The following CDH13 variants were observed in gnomAD, a reference collection of about 807,000 sequenced individuals.
CDH13 encodes the protein cadherin-13.
In CDH13, 24 loss-of-function variants were observed where a neutral mutation model predicts 63.8. The observed-to-expected ratio is 0.38, with a 90% CI of 0.27 to 0.53. CDH13 has a LOEUF of 0.53. Among genes scored for constraint, CDH13 ranks in the 20% least tolerant of loss-of-function variants. The pLI is 0.85. For missense variants in CDH13, 1,049 were observed against 903.1 expected (o/e 1.16, Z -2.07); for synonymous variants, 503 against 355.3 (o/e 1.42, Z -4.67).
At chr16:83,672,275 T>C (rs1341281335) in intron 9 of CDH13, among the ~76,000 whole-genome samples, 1 of 152,184 alleles carries the variant, frequency 6.6e-6, no homozygotes, top group Non-Finnish European at 1.5e-5. Context: ...CTCACAGTTC[T>C]GGAGCTTAAA....
chr16:83,160,924 G>T (rs375817297), intron 4 of CDH13, among the ~76,000 whole-genome samples: 3 of 152,252 alleles, frequency 2.0e-5, no homozygotes, highest in East Asian at 1.9e-4. Context: ...TCCGTTACTG[G>T]GACTTGATAC....
At position 83,479,086 on chromosome 16, in the gene CDH13, A is replaced by C. The variant is rs548017064; in HGVS notation, c.782-7391A>C. The stretch of plus-strand genomic sequence containing the variant: ...TAGTCATTCGACAGTTTCCCTATCA[A>C]TTGCTGTCTACTCAAGAATGTCCAC... On this transcript the variant is annotated intron_variant, in intron 6 of 13. Coordinates refer to ENST00000567109, the MANE Select transcript of CDH13 (RefSeq NM_001257.5). Among the ~76,000 whole-genome samples the C allele has an allele frequency of 4.6e-5, 7 of 152,278 alleles. No individual in the cohort carries two copies. In the East Asian group the frequency reaches 1.4e-3, roughly 29 times the overall value.
At chr16:83,587,921 A>G (rs1906326172) in intron 7 of CDH13, among the ~76,000 whole-genome samples, 1 of 151,436 alleles carries the variant, frequency 6.6e-6, no homozygotes, top group African/African-American at 2.4e-5. Context: ...GTTGAGATTT[A>G]TCTGAGCAAC....
chr16:83,475,132 G>C (rs1299634006), intron 6 of CDH13, among the ~76,000 whole-genome samples: 3 of 152,226 alleles, frequency 2.0e-5, no homozygotes, highest in Non-Finnish European at 2.9e-5. Flanking sequence ...CAACAATTAA[G>C]AATGTCAAGA....
intron 3 of CDH13, among the ~76,000 whole-genome samples, chr16:83,057,055 C>G (rs888195122): frequency 1.3e-5 from 2 of 152,206 alleles, no homozygotes; most frequent in African/African-American, 4.8e-5. Flanking sequence ...CAACCTCTGA[C>G]TCCCTGGTTC....
intron 1 of CDH13, among the ~76,000 whole-genome samples, chr16:82,802,290 G>A (rs1185398398): frequency 6.6e-6 from 1 of 152,138 alleles, no homozygotes; most frequent in Non-Finnish European, 1.5e-5. Context: ...GTATGTAGCG[G>A]GGACAACAAC....
chr16:83,650,924 T>C (rs1268599682), intron 8 of CDH13, among the ~76,000 whole-genome samples: 1 of 150,592 alleles, frequency 6.6e-6, no homozygotes, highest in Non-Finnish European at 1.5e-5. Flanking sequence ...ATTTTAAATA[T>C]ATAAAATATA....
At chr16:82,728,565 G>C (rs2033227119) in intron 1 of CDH13, among the ~76,000 whole-genome samples, 1 of 151,950 alleles carries the variant, frequency 6.6e-6, no homozygotes, top group African/African-American at 2.4e-5. Context: ...ATACTTTATT[G>C]CTACAAAATA....
intron 8 of CDH13, among the ~76,000 whole-genome samples, chr16:83,649,931 A>G (rs773632463): frequency 6.6e-6 from 1 of 152,194 alleles, no homozygotes. Flanking sequence ...TTGCATAGGG[A>G]GGGGAAAATG....
At chr16:83,039,823 T>C (rs1275451707) in intron 3 of CDH13, among the ~76,000 whole-genome samples, 2 of 152,138 alleles carry the variant, frequency 1.3e-5, no homozygotes, top group Non-Finnish European at 2.9e-5. Flanking sequence ...CACTGGCTAC[T>C]CCTCTGTCTG....
Position 82,817,006 on chromosome 16 carries a change from A to G in CDH13, c.46-41356A>G, listed in dbSNP as rs546264321. On this transcript the variant is annotated intron_variant, in intron 1 of 13. Coordinates refer to ENST00000567109, the MANE Select transcript of CDH13 (RefSeq NM_001257.5). The stretch of plus-strand genomic sequence containing the variant: ...AGGGTCTCCCTTAGGAAAGGGAGCT[A>G]TCCCTTAGGAGGAGATATCTAAGCC... Among the ~76,000 whole-genome samples, 171 of 152,082 alleles carry G rather than the reference A, an allele frequency of 1.1e-3. 1 individual carries two copies. Among genetic ancestry groups the G allele is most frequent in the Middle Eastern group, 3.2e-3 (1 of 316 alleles).
At chr16:83,589,492 G>T (rs1390938210) in intron 7 of CDH13, among the ~76,000 whole-genome samples, 1 of 151,494 alleles carries the variant, frequency 6.6e-6, no homozygotes, top group African/African-American at 2.4e-5. Context: ...TTTCCAGGGT[G>T]GTCTCCCCAT....
chr16:83,723,201 TG>T (rs1909921819), intron 10 of CDH13, among the ~76,000 whole-genome samples: 1 of 152,266 alleles, frequency 6.6e-6, no homozygotes, highest in Non-Finnish European at 1.5e-5. Flanking sequence ...TGGAAGTATC[TG>T]GGCTTGATAA....
At chr16:83,228,432 A>C (rs755013534) in intron 5 of CDH13, among the ~76,000 whole-genome samples, 12 of 152,190 alleles carry the variant, frequency 7.9e-5, no homozygotes, top group Non-Finnish European at 1.6e-4. Context: ...TCTCTGGGGC[A>C]CCAGAGATGA....
At chr16:83,269,687 G>A (rs1490539844) in intron 5 of CDH13, among the ~76,000 whole-genome samples, 4 of 152,180 alleles carry the variant, frequency 2.6e-5, no homozygotes, top group Admixed American at 2.0e-4. Context: ...TCTCTGCCCA[G>A]TACCCTGAAT....
intron 2 of CDH13, among the ~76,000 whole-genome samples, chr16:82,970,183 G>C (rs964457088): frequency 1.3e-4 from 20 of 151,476 alleles, no homozygotes; most frequent in African/African-American, 4.6e-4. Context: ...GTGGTATTTG[G>C]TTTTCTGTTC....
At chr16:82,809,148 T>A (rs1461748049) in intron 1 of CDH13, among the ~76,000 whole-genome samples, 4 of 152,100 alleles carry the variant, frequency 2.6e-5, no homozygotes, top group Non-Finnish European at 4.4e-5. Context: ...TCTGTAAAAT[T>A]TCACTCCTCC....
At chr16:83,323,260 A>G (rs1406934367) in intron 5 of CDH13, among the ~76,000 whole-genome samples, 1 of 40,998 alleles carries the variant, frequency 2.4e-5, no homozygotes, top group Non-Finnish European at 5.0e-5. Flanking sequence ...CCTTCTTTCC[A>G]TCTTTCTTGT....
At chr16:83,297,163 C>G (rs1033459501) in intron 5 of CDH13, among the ~76,000 whole-genome samples, 1 of 152,022 alleles carries the variant, frequency 6.6e-6, no homozygotes, top group African/African-American at 2.4e-5. Context: ...TGTTCTATTG[C>G]ATAATAGGGT....
Sources: gnomAD v4.1 joint callset for allele counts (sites outside exome capture counted in the v4.1 genomes callset) on GRCh38, gnomAD v4.1.1 for gene constraint, MANE v1.5 for transcripts, NCBI Gene and HGNC (gene_info 2026-07-23, HGNC 2026-07-21) for gene names.